Variants in KCNQ3 observed in about 807,000 individuals in gnomAD.
The protein encoded by KCNQ3 is potassium voltage-gated channel subfamily KQT member 3.
In KCNQ3, 30 loss-of-function variants were observed where a neutral mutation model predicts 92.5. The ratio of observed to expected loss-of-function variants is 0.32; its 90% confidence interval spans 0.24 to 0.44. The LOEUF (loss-of-function observed/expected upper bound fraction) is 0.44. Ranked by LOEUF, KCNQ3 falls within the 20% of genes least tolerant of loss-of-function variation. KCNQ3 has a pLI of 1.00. For missense variants in KCNQ3, 913 were observed against 1,140.3 expected, an observed-to-expected ratio of 0.80 and a Z score of 2.87; for synonymous variants, 450 against 468.8, an observed-to-expected ratio of 0.96 and a Z score of 0.52.
chr8:132,273,346 AT>A, intron 1 of KCNQ3, among the ~76,000 whole-genome samples: 1 of 152,364 alleles, frequency 6.6e-6, no homozygotes, highest in Non-Finnish European at 1.5e-5. Flanking sequence ...CTCTGAAGCC[AT>A]GGTCTGAGCT....
chr8:132,465,325 C>T (rs1000470094), intron 1 of KCNQ3, among the ~76,000 whole-genome samples: 1 of 152,170 alleles, frequency 6.6e-6, no homozygotes, highest in African/African-American at 2.4e-5. Flanking sequence ...AATTATGTCA[C>T]CAGGATTGAA....
chr8:132,239,083 C>A (rs1814907202), intron 1 of KCNQ3, among the ~76,000 whole-genome samples: 1 of 152,142 alleles, frequency 6.6e-6, no homozygotes, highest in Admixed American at 6.6e-5. Flanking sequence ...TGACGTATTA[C>A]CAAGAAATTC....
chr8:132,169,622 G>C (rs929433839), intron 8 of KCNQ3, among the ~76,000 whole-genome samples: 1 of 152,110 alleles, frequency 6.6e-6, no homozygotes, highest in Admixed American at 6.5e-5. Context: ...CAAGATTTCA[G>C]GGTGGCTCAT....
chr8:132,196,655 T>C (rs1191737826), intron 1 of KCNQ3, among the ~76,000 whole-genome samples: 1 of 152,214 alleles, frequency 6.6e-6, no homozygotes, highest in Admixed American at 6.5e-5. Context: ...AGAAGTTCTT[T>C]CCTCTCCTCA....
intron 1 of KCNQ3, among the ~76,000 whole-genome samples, chr8:132,276,328 G>C (rs1163911277): frequency 6.6e-6 from 1 of 152,130 alleles, no homozygotes; most frequent in Non-Finnish European, 1.5e-5. Flanking sequence ...TGAAGGTGCT[G>C]AGGTGTAAGT....
chr8:132,468,931 T>A (rs953881867), intron 1 of KCNQ3, among the ~76,000 whole-genome samples: 4 of 152,186 alleles, frequency 2.6e-5, no homozygotes, highest in African/African-American at 9.7e-5. Flanking sequence ...GTAACCCAAT[T>A]TGTTCCCTAG....
At chr8:132,176,185 T>C (rs1415656273) in intron 4 of KCNQ3, among the ~76,000 whole-genome samples, 1 of 152,186 alleles carries the variant, frequency 6.6e-6, no homozygotes, top group East Asian at 1.9e-4. Context: ...TAAATATTGA[T>C]TTAGAGCCTA....
intron 1 of KCNQ3, among the ~76,000 whole-genome samples, chr8:132,326,492 C>T (rs1203627922): frequency 6.6e-6 from 1 of 152,198 alleles, no homozygotes; most frequent in East Asian, 1.9e-4. Flanking sequence ...GAATGTGTCT[C>T]CACCAAAGTT....
chr8:132,334,148 G>C (rs1818303113), intron 1 of KCNQ3, among the ~76,000 whole-genome samples: 1 of 152,046 alleles, frequency 6.6e-6, no homozygotes, highest in Admixed American at 6.6e-5. Flanking sequence ...CATATTGTTG[G>C]GCATTTAGGT....
intron 1 of KCNQ3, among the ~76,000 whole-genome samples, chr8:132,307,881 A>G (rs1462309959): frequency 2.0e-5 from 3 of 152,170 alleles, no homozygotes; most frequent in Non-Finnish European, 4.4e-5. Flanking sequence ...GGAGTTGCAC[A>G]GCTCCCCACA....
intron 1 of KCNQ3, among the ~76,000 whole-genome samples, chr8:132,314,626 A>C (rs1206310301): frequency 6.6e-6 from 1 of 152,258 alleles, no homozygotes; most frequent in Non-Finnish European, 1.5e-5. Flanking sequence ...AGTAGAGGCA[A>C]TAAAGTAGAA....
intron 1 of KCNQ3, among the ~76,000 whole-genome samples, chr8:132,423,283 A>C (rs1821020220): frequency 1.3e-5 from 2 of 152,192 alleles, no homozygotes; most frequent in Admixed American, 1.3e-4. Context: ...GTTGCCCACC[A>C]AACAGGCATT....
At chr8:132,160,616 T>C (rs1362489080) in intron 9 of KCNQ3, among the ~76,000 whole-genome samples, 1 of 152,200 alleles carries the variant, frequency 6.6e-6, no homozygotes. Flanking sequence ...TATAGATACA[T>C]AATAACTTTC....
chr8:132,407,489 G>A (rs1157882335), intron 1 of KCNQ3, among the ~76,000 whole-genome samples: 5 of 152,264 alleles, frequency 3.3e-5, no homozygotes, highest in African/African-American at 7.2e-5. Flanking sequence ...TCTAAGAACC[G>A]GGTGGTACTT....
chr8:132,318,704 C>A (rs1392614849), intron 1 of KCNQ3, among the ~76,000 whole-genome samples: 1 of 151,672 alleles, frequency 6.6e-6, no homozygotes, highest in Non-Finnish European at 1.5e-5. Flanking sequence ...AAGGAGTTAC[C>A]ATCATACCAA....
chr8:132,403,438 T>C (rs1026208684), intron 1 of KCNQ3, among the ~76,000 whole-genome samples: 1 of 152,186 alleles, frequency 6.6e-6, no homozygotes, highest in Non-Finnish European at 1.5e-5. Context: ...CCAAATGCCA[T>C]GTCTGGCACA....
intron 1 of KCNQ3, among the ~76,000 whole-genome samples, chr8:132,410,718 A>G (rs1320529988): frequency 6.6e-6 from 1 of 152,210 alleles, no homozygotes; most frequent in East Asian, 1.9e-4. Flanking sequence ...ACATTTTTCT[A>G]ACAGGAATTT....
chr8:132,389,930 T>C (rs1820005134), intron 1 of KCNQ3, among the ~76,000 whole-genome samples: 1 of 152,210 alleles, frequency 6.6e-6, no homozygotes, highest in Admixed American at 6.5e-5. Flanking sequence ...GGTACAAACT[T>C]TGCAAGCACA....
chr8:132,442,375 TA>T (rs1394265090), intron 1 of KCNQ3, among the ~76,000 whole-genome samples: 1 of 152,014 alleles, frequency 6.6e-6, no homozygotes, highest in Admixed American at 6.5e-5. Flanking sequence ...AGCAAGGGGG[TA>T]ATTTGACATT....
Sources: allele counts gnomAD v4.1 joint callset (sites outside exome capture counted in the v4.1 genomes callset), GRCh38; gene constraint gnomAD v4.1.1; transcripts MANE v1.5; gene names NCBI Gene and HGNC (gene_info 2026-07-23, HGNC 2026-07-21).